ANGPT1: variants seen among roughly 807,000 people sequenced by gnomAD.
The protein encoded by ANGPT1 is angiopoietin-1.
A neutral mutation model predicts 62.2 loss-of-function variants in ANGPT1; 17 were observed. The observed-to-expected ratio is 0.27, with a 90% confidence interval of 0.19 to 0.41. The LOEUF (loss-of-function observed/expected upper bound fraction) is 0.41. Among genes scored for constraint, ANGPT1 ranks in the 10% least tolerant of loss-of-function variants. ANGPT1 has a pLI of 1.00. For synonymous variants in ANGPT1, 199 were observed against 198.9 expected (o/e 1.00, Z 0.00); for missense variants, 478 against 594.9 (o/e 0.80, Z 2.04).
At chr8:107,473,100 G>A (rs1226678930) in intron 1 of ANGPT1, among the ~76,000 whole-genome samples, 2 of 152,146 alleles carry the variant, frequency 1.3e-5, no homozygotes, top group Middle Eastern at 3.4e-3. Context: ...TTAAGAGAAT[G>A]TAAATTTCCC....
chr8:107,333,005 T>C (rs997024349), intron 3 of ANGPT1, among the ~76,000 whole-genome samples: 1 of 152,202 alleles, frequency 6.6e-6, no homozygotes, highest in Non-Finnish European at 1.5e-5. Context: ...TCCACTTAAA[T>C]AGGAGGAGCA....
intron 3 of ANGPT1, among the ~76,000 whole-genome samples, chr8:107,335,233 C>A (rs1448610022): frequency 6.6e-6 from 1 of 152,176 alleles, no homozygotes; most frequent in Non-Finnish European, 1.5e-5. Flanking sequence ...AAGAACAGAA[C>A]TAGCAGTCCT....
intron 1 of ANGPT1, among the ~76,000 whole-genome samples, chr8:107,451,530 A>G (rs893955479): frequency 6.6e-6 from 1 of 151,976 alleles, no homozygotes; most frequent in African/African-American, 2.4e-5. Context: ...CTATAGAATC[A>G]GATCTATATC....
chr8:107,381,257 G>A (rs1278934377), intron 1 of ANGPT1, among the ~76,000 whole-genome samples: 1 of 152,096 alleles, frequency 6.6e-6, no homozygotes, highest in African/African-American at 2.4e-5. Flanking sequence ...GAAATTTCAG[G>A]CAAAATGCTC....
chr8:107,341,422 T>A (rs1364361317), intron 2 of ANGPT1, among the ~76,000 whole-genome samples: 2 of 151,950 alleles, frequency 1.3e-5, no homozygotes, highest in African/African-American at 4.8e-5. Flanking sequence ...CAAATTTAAA[T>A]GGACTATTAA....
chr8:107,396,343 A>G (rs1372040306), intron 1 of ANGPT1, among the ~76,000 whole-genome samples: 1 of 152,158 alleles, frequency 6.6e-6, no homozygotes, highest in East Asian at 1.9e-4. Context: ...AAACACCAAT[A>G]GGCATTTAAG....
chr8:107,324,542 T>C (rs1229703213), intron 3 of ANGPT1, among the ~76,000 whole-genome samples: 2 of 152,108 alleles, frequency 1.3e-5, no homozygotes, highest in South Asian at 2.1e-4. Flanking sequence ...ACCTTGATCC[T>C]TGATCTGGGA....
chr8:107,418,423 G>A (rs895330480), intron 1 of ANGPT1, among the ~76,000 whole-genome samples: 7 of 152,146 alleles, frequency 4.6e-5, no homozygotes, highest in Admixed American at 4.6e-4. Flanking sequence ...CGTTTGTGAT[G>A]ATACCAAGTT....
At chr8:107,364,803 G>A (rs1816238598) in intron 1 of ANGPT1, among the ~76,000 whole-genome samples, 1 of 152,102 alleles carries the variant, frequency 6.6e-6, no homozygotes, top group Non-Finnish European at 1.5e-5. Context: ...TTTTAATCCA[G>A]AAAAACCTGT....
intron 3 of ANGPT1, among the ~76,000 whole-genome samples, chr8:107,324,766 G>C (rs1815246811): frequency 1.3e-5 from 2 of 152,132 alleles, no homozygotes; most frequent in South Asian, 2.1e-4. Flanking sequence ...ACCTTTAGTA[G>C]TGTGCACACA....
intron 1 of ANGPT1, among the ~76,000 whole-genome samples, chr8:107,388,085 A>G (rs899447968): frequency 2.6e-5 from 4 of 152,164 alleles, no homozygotes; most frequent in African/African-American, 9.7e-5. Context: ...TTTATGAAGA[A>G]ACTAATTCAT....
chr8:107,421,504 A>G (rs1810893854), intron 1 of ANGPT1, among the ~76,000 whole-genome samples: 1 of 152,204 alleles, frequency 6.6e-6, no homozygotes, highest in South Asian at 2.1e-4. Context: ...GCTATGTTTT[A>G]TAAGAGAAAT....
chr8:107,290,486 A>G (rs575186166), intron 6 of ANGPT1, among the ~76,000 whole-genome samples: 1 of 152,298 alleles, frequency 6.6e-6, no homozygotes, highest in Admixed American at 6.5e-5. Context: ...GGTGTGATTG[A>G]TAAGAACTGG....
intron 1 of ANGPT1, among the ~76,000 whole-genome samples, chr8:107,458,499 CAA>C (rs1811981459): frequency 6.6e-6 from 1 of 151,736 alleles, no homozygotes; most frequent in Non-Finnish European, 1.5e-5. Flanking sequence ...TAAACTAAAA[CAA>C]AGAAAAAATA....
At chr8:107,389,462 T>C (rs1816793262) in intron 1 of ANGPT1, among the ~76,000 whole-genome samples, 1 of 152,220 alleles carries the variant, frequency 6.6e-6, no homozygotes, top group South Asian at 2.1e-4. Context: ...GTAAGGCAAT[T>C]ACACTTCACA....
intron 2 of ANGPT1, 72 bp from the exon 3 acceptor site, chr8:107,336,343 C>A: frequency 1.3e-6 from 2 of 1,505,150 alleles, no homozygotes; most frequent in South Asian, 1.3e-5. Flanking sequence ...TTTATTTTGT[C>A]GTTAAATATT....
chr8:107,294,128 G>C (rs976003550), intron 5 of ANGPT1, 91 bp from the exon 6 acceptor site: 2 of 977,966 alleles, frequency 2.0e-6, no homozygotes, highest in Non-Finnish European at 3.0e-6. Context: ...AAGGCGAACA[G>C]GTCTGCAGAT....
chr8:107,382,745 A>G (rs556053455), intron 1 of ANGPT1, among the ~76,000 whole-genome samples: 1 of 152,214 alleles, frequency 6.6e-6, no homozygotes, highest in East Asian at 1.9e-4. Flanking sequence ...CCAAACCCCG[A>G]AAGTTTTGGA....
Position 107,409,459 on chromosome 8 carries a change from G to A in ANGPT1, c.298-62362C>T, listed in dbSNP as rs183694020. 1.0e-3 allele frequency among the ~76,000 whole-genome samples: 152 copies of A among 152,198 alleles called. 1 individual carries two copies. Among genetic ancestry groups the A allele is most frequent in the Non-Finnish European group, 1.5e-3 (101 of 68,020 alleles). ...CTCGCTCCAGGTCCCACAGTCCCCA[G>A]GACCCAGGCTCAGTGGCTCTGTTCT... is the stretch of plus-strand genomic sequence containing the variant. On this transcript the variant is annotated intron_variant, in intron 1 of 8. Coordinates refer to ENST00000517746, the MANE Select transcript of ANGPT1 (RefSeq NM_001146.5).
Sources: allele counts gnomAD v4.1 joint callset (sites outside exome capture counted in the v4.1 genomes callset), GRCh38; gene constraint gnomAD v4.1.1; transcripts MANE v1.5; gene names NCBI Gene and HGNC (gene_info 2026-07-23, HGNC 2026-07-21).